TMPRSS9: variants seen among roughly 807,000 people sequenced by gnomAD.
TMPRSS9 encodes the protein transmembrane serine protease 9.
Under a neutral mutation model 111.4 loss-of-function variants are expected in TMPRSS9, and 113 were observed. The ratio of observed to expected loss-of-function variants is 1.01; its 90% CI spans 0.87 to 1.19. TMPRSS9 has a LOEUF of 1.19. TMPRSS9 is among the 50% of genes most tolerant of loss of function. The probability of loss-of-function intolerance (pLI) is 0.00; values close to 1 mark genes in which losing one functional copy is unlikely to be tolerated. For synonymous variants in TMPRSS9, 805 were observed against 659.1 expected, an observed-to-expected ratio of 1.22 and a Z score of -3.39; for missense variants, 1,803 against 1,513.1, an observed-to-expected ratio of 1.19 and a Z score of -3.18.
chr19:2,391,840 C>T (rs1020332420), intron 1 of TMPRSS9, among the ~76,000 whole-genome samples: 41 of 150,680 alleles, frequency 2.7e-4, no homozygotes, highest in Admixed American at 2.7e-3. Context: ...CACCCAGGTT[C>T]AAGCGATTCT....
intron 4 of TMPRSS9, 35 bp from the exon 6 acceptor site, chr19:2,401,940 T>G (rs769748763): frequency 1.9e-6 from 3 of 1,601,466 alleles, no homozygotes; most frequent in Non-Finnish European, 2.6e-6. Flanking sequence ...TTACCGCTTA[T>G]TCAGTGAGCT....
exon 9 of TMPRSS9, chr19:2,410,285 C>T: frequency 1.2e-6 from 2 of 1,613,976 alleles, no homozygotes; most frequent in Middle Eastern, 1.6e-4. Context: ...CTGCAGAAAG[C>T]CACTGTGGAG....
At chr19:2,425,819 C>T in intron 17 of TMPRSS9, 108 bp from the exon 19 acceptor site, 2 of 1,405,416 alleles carry the variant, frequency 1.4e-6, no homozygotes, top group Non-Finnish European at 9.4e-7. Flanking sequence ...AGTGAAAATG[C>T]GGCTCCCAGG....
chr19:2,373,696 C>A (rs377236744), intron 1 of TMPRSS9, among the ~76,000 whole-genome samples: 1 of 151,404 alleles, frequency 6.6e-6, no homozygotes, highest in Non-Finnish European at 1.5e-5. Context: ...GACGGGGTTT[C>A]GCCATGTTGG....
exon 18 of TMPRSS9, chr19:2,425,949 C>T: frequency 6.2e-7 from 1 of 1,601,520 alleles, no homozygotes; most frequent in Non-Finnish European, 8.5e-7. Context: ...GGACCCCTGG[C>T]CTGCAGGGAG....
intron 1 of TMPRSS9, among the ~76,000 whole-genome samples, chr19:2,394,076 G>A (rs1199882785): frequency 1.3e-5 from 2 of 152,060 alleles, no homozygotes; most frequent in Non-Finnish European, 2.9e-5. Flanking sequence ...GGTGGCATGT[G>A]CCTGTAGTCC....
chr19:2,414,941 A>AT (rs909082554), intron 10 of TMPRSS9, among the ~76,000 whole-genome samples: 4,201 of 127,104 alleles, frequency 0.033, 206 homozygotes, highest in African/African-American at 0.1. Flanking sequence ...TTGCATTCCT[A>AT]TTTTTTTTTT....
At chr19:2,413,420 G>C (rs909943638) in intron 9 of TMPRSS9, among the ~76,000 whole-genome samples, 1 of 152,172 alleles carries the variant, frequency 6.6e-6, no homozygotes, top group East Asian at 1.9e-4. Flanking sequence ...AAGAAGAGGA[G>C]GGGATGTTAT....
intron 4 of TMPRSS9, among the ~76,000 whole-genome samples, chr19:2,401,440 G>T (rs1461164495): frequency 6.6e-6 from 1 of 152,110 alleles, no homozygotes; most frequent in Non-Finnish European, 1.5e-5. Context: ...GGCCGTCCGA[G>T]CCCTGGGGCT....
At chr19:2,361,212 GGCTGGGGTGGGA>G (rs1970194071) in intron 1 of TMPRSS9, among the ~76,000 whole-genome samples, 4 of 61,850 alleles carry the variant, frequency 6.5e-5, no homozygotes, top group African/African-American at 2.9e-4. Flanking sequence ...TGGGAGGTGG[GGCTGGGGTGGGA>G]GGCTGGGGTG....
At chr19:2,386,209 T>G (rs1970471573), upstream of TMPRSS9, among the ~76,000 whole-genome samples, 1 of 152,062 alleles carries the variant, frequency 6.6e-6, no homozygotes, top group South Asian at 2.1e-4. Flanking sequence ...CGCGGCCTCT[T>G]AAGGAGATGG....
Position 2,415,191 on chromosome 19 carries a change from C to T in TMPRSS9, c.1574-479C>T, listed in dbSNP as rs571718937. 1.8e-3 allele frequency among the ~76,000 whole-genome samples: 279 copies of T among 152,140 alleles called. 2 individuals are homozygous for T. Among genetic ancestry groups the T allele is most frequent in the African/African-American group, 6.5e-3 (270 of 41,522 alleles). ...AACTCCTGACCTCAGGTGATCTGCCCGCCTTGGCCTCCCAAAGTGCTGGGA... is the reference window on the plus strand; with the variant it reads ...AACTCCTGACCTCAGGTGATCTGCCTGCCTTGGCCTCCCAAAGTGCTGGGA... On this transcript the variant is annotated intron_variant, in intron 10 of 17. Coordinates refer to ENST00000648592, the Ensembl canonical transcript of TMPRSS9.
At chr19:2,369,258 A>T (rs1439864156) in intron 1 of TMPRSS9, among the ~76,000 whole-genome samples, 1 of 152,018 alleles carries the variant, frequency 6.6e-6, no homozygotes, top group African/African-American at 2.4e-5. Flanking sequence ...CCCAGGTTTT[A>T]AAAAAAATTT....
chr19:2,393,754 T>G (rs542038688), intron 1 of TMPRSS9, among the ~76,000 whole-genome samples: 2 of 150,248 alleles, frequency 1.3e-5, no homozygotes, highest in East Asian at 2.0e-4. Context: ...AAAAATTAGC[T>G]GGGCAGACTG....
chr19:2,389,902 C>T (rs749451910), exon 1 of TMPRSS9: 12 of 1,612,604 alleles, frequency 7.4e-6, no homozygotes, highest in South Asian at 2.2e-5. Context: ...CCAGCCTTGT[C>T]GTCCTCACCC....
chr19:2,369,923 G>A (rs1003414290), intron 1 of TMPRSS9, among the ~76,000 whole-genome samples: 2 of 152,020 alleles, frequency 1.3e-5, no homozygotes, highest in African/African-American at 2.4e-5. Context: ...CTCAACTGGG[G>A]ATGCCCAAAT....
In TMPRSS9 at chr19:2,364,034, C is replaced by T. The variant is rs555871286; in HGVS notation, c.-26+3674C>T. 7.9e-5 allele frequency among the ~76,000 whole-genome samples: 12 copies of T among 151,960 alleles called. No homozygotes were observed. The South Asian group carries it at 1.3e-3, about 16-fold the overall frequency. On this transcript the variant is annotated intron_variant, in intron 1 of 17. Transcript: ENST00000649857. ...TTGGTATAAGCACATCTCAGCCTCC[C>T]GGTAGTCCTGTAGACCCAGCACCTG...
chr19:2,410,315 G>A (rs773186564), exon 9 of TMPRSS9: 42 of 1,614,108 alleles, frequency 2.6e-5, no homozygotes, highest in Non-Finnish European at 3.6e-5. Context: ...CAGGCACTGT[G>A]TGCCAGCTTG....
At chr19:2,409,030 AATGATG>A (rs568420990) in intron 8 of TMPRSS9, among the ~76,000 whole-genome samples, 1,482 of 125,342 alleles carry the variant, frequency 0.012, 26 homozygotes, top group African/African-American at 0.045. Flanking sequence ...TAATAATAAT[AATGATG>A]ATGCAGAAAA....
Sources: gnomAD v4.1 joint callset for allele counts (sites outside exome capture counted in the v4.1 genomes callset) on GRCh38, gnomAD v4.1.1 for gene constraint, MANE v1.5 for transcripts, NCBI Gene and HGNC (gene_info 2026-07-23, HGNC 2026-07-21) for gene names.